Variants in GABBR2 observed in about 807,000 individuals in gnomAD.
The protein encoded by GABBR2 is gamma-aminobutyric acid type B receptor subunit 2.
GABBR2 carries 23 observed loss-of-function variants against 105.6 expected under a neutral mutation model. That is an observed-to-expected ratio of 0.22 (90% CI 0.16 to 0.31). The LOEUF (loss-of-function observed/expected upper bound fraction) is 0.31. Ranked by LOEUF, GABBR2 falls within the 10% of genes least tolerant of loss-of-function variation. GABBR2 has a pLI of 1.00. For synonymous variants in GABBR2, 478 were observed against 499.7 expected (o/e 0.96, Z 0.58); for missense variants, 734 against 1,245.5 (o/e 0.59, Z 6.18).
intron 7 of GABBR2, among the ~76,000 whole-genome samples, chr9:98,439,433 G>A (rs1825991873): frequency 6.6e-6 from 1 of 151,992 alleles, no homozygotes; most frequent in South Asian, 2.1e-4. Context: ...AGAGCAAATT[G>A]GAAAAAGAAA....
intron 7 of GABBR2, among the ~76,000 whole-genome samples, chr9:98,439,709 A>G (rs540593417): frequency 6.6e-6 from 1 of 152,204 alleles, no homozygotes; most frequent in Non-Finnish European, 1.5e-5. Flanking sequence ...CAAGAATCCA[A>G]CTGAAGCAGC....
intron 1 of GABBR2, among the ~76,000 whole-genome samples, chr9:98,669,677 A>G (rs1032741088): frequency 6.6e-6 from 1 of 152,258 alleles, no homozygotes; most frequent in African/African-American, 2.4e-5. Context: ...TTTTAGGAAA[A>G]TGGCAGAACA....
At chr9:98,331,711 A>G (rs1831029752) in intron 13 of GABBR2, among the ~76,000 whole-genome samples, 1 of 152,126 alleles carries the variant, frequency 6.6e-6, no homozygotes, top group Non-Finnish European at 1.5e-5. Context: ...TCTTCATAAC[A>G]GAGGACAGGC....
chr9:98,337,202 G>C (rs965350614), intron 13 of GABBR2, among the ~76,000 whole-genome samples: 1 of 152,172 alleles, frequency 6.6e-6, no homozygotes, highest in African/African-American at 2.4e-5. Context: ...CTACTCAGGA[G>C]GCCGAGGCAC....
rs138076271 is a variant in GABBR2 at position 98,317,347 on chromosome 9, C to T, written c.1894-6142G>A. On this transcript the variant is annotated intron_variant, in intron 13 of 18. Transcript: ENST00000259455. Reference sequence around the variant, plus strand: ...TGCGGCAAAAGGAGAGCAGCTGGCCCGAGAGTCCCTCTGCATAATGCAATT... The same window carrying T: ...TGCGGCAAAAGGAGAGCAGCTGGCCTGAGAGTCCCTCTGCATAATGCAATT... Among the ~76,000 whole-genome samples, 331 of 152,282 alleles carry T rather than the reference C, an allele frequency of 2.2e-3. 3 individuals are homozygous for T. The highest frequency in any genetic ancestry group is 0.016 in the Admixed American group (250 of 15,294).
intron 1 of GABBR2, among the ~76,000 whole-genome samples, chr9:98,660,013 G>GCATTATATT (rs1480703063): frequency 6.6e-6 from 1 of 152,024 alleles, no homozygotes; most frequent in Non-Finnish European, 1.5e-5. Flanking sequence ...AGTGAAATCT[G>GCATTATATT]CATTATATTA....
chr9:98,494,359 G>A (rs1027608313), intron 4 of GABBR2, among the ~76,000 whole-genome samples: 1 of 152,214 alleles, frequency 6.6e-6, no homozygotes, highest in African/African-American at 2.4e-5. Context: ...GCCTCGGGGA[G>A]AAGGGGATGA....
chr9:98,350,894 A>T (rs950307849), intron 13 of GABBR2, among the ~76,000 whole-genome samples: 2 of 151,936 alleles, frequency 1.3e-5, no homozygotes, highest in Non-Finnish European at 1.5e-5. Flanking sequence ...AGCTTTAATA[A>T]TTTTTTTTAT....
intron 1 of GABBR2, among the ~76,000 whole-genome samples, chr9:98,596,980 C>T (rs1046469809): frequency 3.3e-5 from 5 of 152,140 alleles, no homozygotes; most frequent in Non-Finnish European, 7.4e-5. Flanking sequence ...CATGAAACCC[C>T]AGGGCTGACT....
chr9:98,507,664 A>T (rs1054019291), intron 3 of GABBR2, among the ~76,000 whole-genome samples: 1 of 152,232 alleles, frequency 6.6e-6, no homozygotes, highest in Non-Finnish European at 1.5e-5. Context: ...TACATCTTGA[A>T]ATGCCAACAT....
intron 7 of GABBR2, among the ~76,000 whole-genome samples, chr9:98,428,273 A>G (rs1483198988): frequency 1.3e-5 from 2 of 152,164 alleles, no homozygotes. Flanking sequence ...TCAGAACGGA[A>G]GGAGGAAATA....
At chr9:98,479,893 C>T (rs1171349379) in intron 5 of GABBR2, among the ~76,000 whole-genome samples, 1 of 152,186 alleles carries the variant, frequency 6.6e-6, no homozygotes, top group Non-Finnish European at 1.5e-5. Context: ...CCTCAGCTAT[C>T]CCTCTACCAC....
chr9:98,398,050 T>C (rs989261110), intron 8 of GABBR2, among the ~76,000 whole-genome samples: 1 of 152,164 alleles, frequency 6.6e-6, no homozygotes, highest in Non-Finnish European at 1.5e-5. Flanking sequence ...AACTCCACCG[T>C]GCAAACAAGG....
At chr9:98,563,678 G>A (rs1828711090) in intron 2 of GABBR2, among the ~76,000 whole-genome samples, 1 of 152,166 alleles carries the variant, frequency 6.6e-6, no homozygotes, top group African/African-American at 2.4e-5. Context: ...TGGGAACATG[G>A]GGAAAATAGA....
At chr9:98,452,398 C>T (rs181311937) in intron 7 of GABBR2, among the ~76,000 whole-genome samples, 1 of 152,268 alleles carries the variant, frequency 6.6e-6, no homozygotes, top group Admixed American at 6.5e-5. Context: ...GGTCCATTAC[C>T]AGAAGGTCAC....
chr9:98,428,340 G>A (rs983501347), intron 7 of GABBR2, among the ~76,000 whole-genome samples: 2 of 152,164 alleles, frequency 1.3e-5, no homozygotes, highest in Admixed American at 6.5e-5. Context: ...CAGCCATGGA[G>A]GGGCACAGGT....
intron 13 of GABBR2, among the ~76,000 whole-genome samples, chr9:98,350,939 C>T (rs1399989485): frequency 6.6e-6 from 1 of 152,050 alleles, no homozygotes; most frequent in East Asian, 1.9e-4. Flanking sequence ...TGCATATTCA[C>T]AATTGTTATA....
At chr9:98,415,944 T>C (rs538935917) in intron 7 of GABBR2, among the ~76,000 whole-genome samples, 1 of 152,224 alleles carries the variant, frequency 6.6e-6, no homozygotes, top group African/African-American at 2.4e-5. Context: ...CCACGTGACC[T>C]TGGGCTAGAG....
At chr9:98,554,542 ACTT>A (rs35580242) in intron 2 of GABBR2, among the ~76,000 whole-genome samples, 36,961 of 151,948 alleles carry the variant, frequency 0.24, 5,482 homozygotes, top group East Asian at 0.47. Context: ...TTCTTTTTAA[ACTT>A]CTATTATCAA....
Sources: allele counts gnomAD v4.1 joint callset (sites outside exome capture counted in the v4.1 genomes callset), GRCh38; gene constraint gnomAD v4.1.1; transcripts MANE v1.5; gene names NCBI Gene and HGNC (gene_info 2026-07-23, HGNC 2026-07-21).